ROBO2: variants seen among roughly 807,000 people sequenced by gnomAD.
ROBO2 encodes the protein roundabout guidance receptor 2, also known as roundabout homolog 2.
Under a neutral mutation model 160.8 loss-of-function variants are expected in ROBO2, and 53 were observed. The ratio of observed to expected loss-of-function variants is 0.33; its 90% CI spans 0.26 to 0.41. ROBO2 has a LOEUF of 0.41. Ranked by LOEUF, ROBO2 falls within the 10% of genes least tolerant of loss-of-function variation. The pLI is 1.00. For synonymous variants in ROBO2, 664 were observed against 611.7 expected (o/e 1.09, Z -1.26); for missense variants, 1,577 against 1,722.4 (o/e 0.92, Z 1.49).
intron 2 of ROBO2, among the ~76,000 whole-genome samples, chr3:77,022,626 A>T (rs2062708141): frequency 6.6e-6 from 1 of 152,154 alleles, no homozygotes; most frequent in Non-Finnish European, 1.5e-5. Context: ...GCCTCATGTC[A>T]CATAAAACTT....
chr3:77,387,038 G>T (rs572224306), intron 2 of ROBO2, among the ~76,000 whole-genome samples: 7 of 152,004 alleles, frequency 4.6e-5, no homozygotes, highest in African/African-American at 1.7e-4. Context: ...TTATTAAGCC[G>T]CTCACATTCC....
intron 2 of ROBO2, among the ~76,000 whole-genome samples, chr3:76,369,389 A>T (rs1291602593): frequency 6.6e-6 from 1 of 151,928 alleles, no homozygotes; most frequent in African/African-American, 2.4e-5. Flanking sequence ...GAGTTCTGCC[A>T]CTAGGGTCTG....
At chr3:76,055,827 C>T (rs912999859) in intron 2 of ROBO2, among the ~76,000 whole-genome samples, 2 of 152,160 alleles carry the variant, frequency 1.3e-5, no homozygotes, top group South Asian at 2.1e-4. Context: ...GGCGCGATCT[C>T]GGCTCACCGC....
intron 2 of ROBO2, among the ~76,000 whole-genome samples, chr3:76,700,493 T>C (rs2093024977): frequency 6.6e-6 from 1 of 152,128 alleles, no homozygotes; most frequent in African/African-American, 2.4e-5. Flanking sequence ...TCTGTACTCA[T>C]CTGTTTTTTC....
At position 76,191,976 on chromosome 3, in the gene ROBO2, C is replaced by T. The variant is rs148076543; in HGVS notation, c.109+254374C>T. On this transcript the variant is annotated intron_variant, in intron 2 of 26. Transcript: ENST00000487694. Reference sequence around the variant, plus strand: ...CTCCAGTGCTCAACTTACCTGTCTTCACTTTCTTCAGGCCTATTATTGGAC... The same window carrying T: ...CTCCAGTGCTCAACTTACCTGTCTTTACTTTCTTCAGGCCTATTATTGGAC... 5.2e-3 allele frequency among the ~76,000 whole-genome samples: 787 copies of T among 152,132 alleles called. 3 individuals carry two copies. Among genetic ancestry groups the T allele is most frequent in the Non-Finnish European group, 8.1e-3 (548 of 68,000 alleles).
intron 1 of ROBO2, among the ~76,000 whole-genome samples, chr3:77,066,593 G>C (rs1156465827): frequency 6.6e-6 from 1 of 152,102 alleles, no homozygotes; most frequent in Non-Finnish European, 1.5e-5. Context: ...ACAATCAAAG[G>C]ACTAACAGTA....
chr3:76,074,209 A>C (rs1374005769), intron 2 of ROBO2, among the ~76,000 whole-genome samples: 1 of 151,876 alleles, frequency 6.6e-6, no homozygotes, highest in Non-Finnish European at 1.5e-5. Context: ...GCCTGTGTGG[A>C]AATGTGAAGC....
At chr3:76,643,779 G>A (rs1174119131) in intron 2 of ROBO2, among the ~76,000 whole-genome samples, 1 of 151,740 alleles carries the variant, frequency 6.6e-6, no homozygotes, top group East Asian at 1.9e-4. Flanking sequence ...TAAAAAAAAA[G>A]TAAATAGAAT....
At chr3:75,937,118 A>G (rs959595661) in intron 1 of ROBO2, among the ~76,000 whole-genome samples, 3 of 152,150 alleles carry the variant, frequency 2.0e-5, no homozygotes, top group Admixed American at 6.6e-5. Flanking sequence ...AAATTCATCA[A>G]TTTGCCTAAA....
chr3:77,455,244 A>G (rs561944518), intron 2 of ROBO2, among the ~76,000 whole-genome samples: 5 of 152,186 alleles, frequency 3.3e-5, no homozygotes, highest in African/African-American at 1.2e-4. Flanking sequence ...GAAATACTGA[A>G]TCATTGACGG....
intron 4 of ROBO2, among the ~76,000 whole-genome samples, chr3:77,490,480 T>C (rs2085963457): frequency 6.6e-6 from 1 of 152,212 alleles, no homozygotes; most frequent in African/African-American, 2.4e-5. Context: ...CTTCTTTATT[T>C]AGATGATTTG....
chr3:75,976,174 T>C (rs2065128383), intron 2 of ROBO2, among the ~76,000 whole-genome samples: 1 of 151,504 alleles, frequency 6.6e-6, no homozygotes, highest in African/African-American at 2.4e-5. Context: ...CTACCAAAAA[T>C]TTACATGTGA....
intron 2 of ROBO2, among the ~76,000 whole-genome samples, chr3:77,457,102 C>G (rs754614123): frequency 6.6e-6 from 1 of 152,144 alleles, no homozygotes; most frequent in Non-Finnish European, 1.5e-5. Context: ...AATCTACAGG[C>G]ACTATTAGCC....
intron 2 of ROBO2, among the ~76,000 whole-genome samples, chr3:76,120,786 C>G (rs566871847): frequency 6.6e-6 from 1 of 152,242 alleles, no homozygotes; most frequent in East Asian, 1.9e-4. Context: ...CTCAAATTAT[C>G]TTGTTCATAT....
At chr3:76,896,069 A>G (rs78174914) in intron 2 of ROBO2, among the ~76,000 whole-genome samples, 1,919 of 152,256 alleles carry the variant, frequency 0.013, 39 homozygotes, top group African/African-American at 0.044. Flanking sequence ...CCAATTTGGC[A>G]TATTTGAGAG....
chr3:76,022,035 CT>C (rs2107666656), intron 2 of ROBO2, among the ~76,000 whole-genome samples: 1 of 151,416 alleles, frequency 6.6e-6, no homozygotes, highest in East Asian at 1.9e-4. Context: ...ATTCTAAATT[CT>C]TTGTTGTTAT....
At chr3:77,159,969 T>C (rs1201889202) in intron 2 of ROBO2, among the ~76,000 whole-genome samples, 2 of 152,260 alleles carry the variant, frequency 1.3e-5, no homozygotes, top group Non-Finnish European at 2.9e-5. Flanking sequence ...TCTTTGTTTC[T>C]TCTGAAATTA....
intron 2 of ROBO2, among the ~76,000 whole-genome samples, chr3:75,948,238 A>G (rs985422657): frequency 6.6e-6 from 1 of 151,994 alleles, no homozygotes; most frequent in Non-Finnish European, 1.5e-5. Flanking sequence ...GAACTTCTAC[A>G]TTTTTGGTTT....
At chr3:76,079,654 C>A (rs1417717721) in intron 2 of ROBO2, among the ~76,000 whole-genome samples, 3 of 151,594 alleles carry the variant, frequency 2.0e-5, no homozygotes, top group Admixed American at 6.6e-5. Context: ...CGGCTAATTT[C>A]TTTTGTATTT....
Sources: allele counts gnomAD v4.1 joint callset (sites outside exome capture counted in the v4.1 genomes callset), GRCh38; gene constraint gnomAD v4.1.1; transcripts MANE v1.5; gene names NCBI Gene and HGNC (gene_info 2026-07-23, HGNC 2026-07-21).